The following LYSMD2 variants were observed in gnomAD, a reference collection of about 807,000 sequenced individuals.
LYSMD2 encodes lysM and putative peptidoglycan-binding domain-containing protein 2.
A neutral mutation model predicts 17.7 loss-of-function variants in LYSMD2; 6 were observed. That is an observed-to-expected ratio of 0.34 (90% CI 0.19 to 0.67). The LOEUF is 0.67. LYSMD2 is among the 30% of genes least tolerant of loss of function. The pLI is 0.69. For missense variants in LYSMD2, 237 were observed against 286.7 expected (o/e 0.83, Z 1.25); for synonymous variants, 102 against 129.8 (o/e 0.79, Z 1.45).
intron 1 of LYSMD2, among the ~76,000 whole-genome samples, chr15:51,735,934 T>C (rs1180991647): frequency 1.3e-5 from 2 of 152,230 alleles, no homozygotes; most frequent in Admixed American, 6.5e-5. Flanking sequence ...CCTCCTTCAG[T>C]AGCCAGGATG....
chr15:51,729,551 C>T (rs62015071), intron 1 of LYSMD2, among the ~76,000 whole-genome samples: 4,953 of 152,338 alleles, frequency 0.033, 108 homozygotes, highest in Non-Finnish European at 0.051. Context: ...CTCTTCCTCC[C>T]GGGTTTAAGC....
upstream of LYSMD2, among the ~76,000 whole-genome samples, chr15:51,738,313 C>G (rs1449023735): frequency 6.6e-6 from 1 of 152,152 alleles, no homozygotes; most frequent in African/African-American, 2.4e-5. Flanking sequence ...AATAACCCCC[C>G]TAGTTGTTCG....
upstream of LYSMD2, among the ~76,000 whole-genome samples, chr15:51,740,916 T>C (rs1433469519): frequency 6.6e-6 from 1 of 152,214 alleles, no homozygotes; most frequent in Non-Finnish European, 1.5e-5. Context: ...AGCAGAGATA[T>C]ACCATGTTTG....
At chr15:51,736,618 C>G (rs2055610712) in intron 1 of LYSMD2, among the ~76,000 whole-genome samples, 1 of 152,206 alleles carries the variant, frequency 6.6e-6, no homozygotes, top group Admixed American at 6.5e-5. Flanking sequence ...AAGGCCATCA[C>G]ATAGCTCACA....
chr15:51,750,949 C>G (rs1381872751), intron 1 of LYSMD2, among the ~76,000 whole-genome samples: 1 of 152,190 alleles, frequency 6.6e-6, no homozygotes, highest in East Asian at 1.9e-4. Context: ...CTCGGAAACC[C>G]CAAGGAAGGA....
intron 1 of LYSMD2, among the ~76,000 whole-genome samples, chr15:51,747,268 G>T (rs1032032704): frequency 2.0e-5 from 3 of 151,762 alleles, no homozygotes; most frequent in Non-Finnish European, 4.4e-5. Flanking sequence ...GAGGCAGGCG[G>T]ATCACTTGAG....
intron 1 of LYSMD2, among the ~76,000 whole-genome samples, chr15:51,734,900 T>C (rs2055598888): frequency 6.6e-6 from 1 of 152,152 alleles, no homozygotes. Flanking sequence ...ATTAGACCAG[T>C]GCAGTGGCTC....
At chr15:51,737,986 A>G (rs557186884), upstream of LYSMD2, 176 of 163,694 alleles carry the variant, frequency 1.1e-3, 2 homozygotes, top group African/African-American at 4.1e-3. This position sits in a 1 kb window ranked among gnomAD's most constrained non-coding sequence, Gnocchi z 4.2. Flanking sequence ...CCCCAGGTGG[A>G]CCCCTGCTCC....
At position 51,737,258 on chromosome 15, in the gene LYSMD2, GCA is replaced by G; in HGVS notation, c.273+90_273+91del. 3 of 63,044 alleles carry G rather than the reference GCA, an allele frequency of 4.8e-5. No individual in the cohort carries two copies. Among genetic ancestry groups the G allele is most frequent in the Non-Finnish European group, 9.3e-5 (3 of 32,088 alleles). 3.9% of individuals were successfully genotyped at this position (63,044 alleles called of 1,614,324 possible). A position where few individuals can be genotyped will look rare whatever the true frequency, so the allele number is the denominator to read the frequency against. On this transcript the variant is annotated intron_variant, in intron 1 of 2. Transcript: ENST00000267838. The surrounding 1 kb of genome is among the most constrained non-coding windows in gnomAD (Gnocchi z 4.2). ...CTCCCCATCCCCCAAACCCCCACCC[GCA>G]GTCCCACCCCCACCCCCACCGCACC...
intron 2 of LYSMD2, among the ~76,000 whole-genome samples, chr15:51,723,881 T>C (rs1341413002): frequency 6.6e-6 from 1 of 151,730 alleles, no homozygotes; most frequent in African/African-American, 2.4e-5. Context: ...TATGTATTTA[T>C]ATTTGCTTAT....
chr15:51,723,576 A>C lies in LYSMD2; in HGVS notation c.*31T>G, dbSNP rs1397348645. 1.9e-6 allele frequency: 3 copies of C among 1,556,074 alleles called. No homozygotes were observed. Among genetic ancestry groups the C allele is most frequent in the Admixed American group, 1.7e-5 (1 of 59,766 alleles). Reference sequence around the variant, plus strand: ...ATTCTTTATGGTCCAAACATATCTTAATTTTGGTTAGAGTTATGCCCCCAA... The same window carrying C: ...ATTCTTTATGGTCCAAACATATCTTCATTTTGGTTAGAGTTATGCCCCCAA... On this transcript the variant is annotated 3_prime_UTR_variant, in exon 3 of 3. Coordinates refer to ENST00000267838, the MANE Select transcript of LYSMD2 (RefSeq NM_153374.3).
At chr15:51,726,283 G>T (rs746949343) in intron 1 of LYSMD2, among the ~76,000 whole-genome samples, 3 of 152,188 alleles carry the variant, frequency 2.0e-5, no homozygotes, top group Non-Finnish European at 4.4e-5. Context: ...AAGTATCTCT[G>T]GTCTAGTTCA....
At chr15:51,750,744 A>G (rs2055694875) in intron 1 of LYSMD2, among the ~76,000 whole-genome samples, 1 of 152,122 alleles carries the variant, frequency 6.6e-6, no homozygotes, top group Admixed American at 6.5e-5. Flanking sequence ...TGCTTCAGAA[A>G]CTTGACTTTA....
chr15:51,744,454 T>C (rs921258382), intron 1 of LYSMD2, among the ~76,000 whole-genome samples: 3 of 152,170 alleles, frequency 2.0e-5, no homozygotes, highest in African/African-American at 7.2e-5. Flanking sequence ...TTAATTAATT[T>C]TTTTGAATGT....
upstream of LYSMD2, chr15:51,737,769 C>T (rs530778548): frequency 1.7e-4 from 99 of 577,204 alleles, no homozygotes; most frequent in East Asian, 4.1e-3. The surrounding 1 kb of genome is among the most constrained non-coding windows in gnomAD (Gnocchi z 4.2). Context: ...AGGCGGGGAG[C>T]CGCAGGCCGG....
At chr15:51,734,798 T>C (rs2055598416) in intron 1 of LYSMD2, among the ~76,000 whole-genome samples, 1 of 152,218 alleles carries the variant, frequency 6.6e-6, no homozygotes, top group African/African-American at 2.4e-5. Flanking sequence ...GCTCAACTTC[T>C]TTCTGTTCAG....
intron 2 of LYSMD2, among the ~76,000 whole-genome samples, chr15:51,724,192 T>C (rs1395747609): frequency 1.3e-5 from 2 of 151,920 alleles, no homozygotes; most frequent in African/African-American, 4.8e-5. Context: ...AATCAAATCA[T>C]AAAGAAAAAA....
upstream of LYSMD2, among the ~76,000 whole-genome samples, chr15:51,739,587 TATA>T (rs2055633123): frequency 6.6e-6 from 1 of 152,132 alleles, no homozygotes; most frequent in South Asian, 2.1e-4. Context: ...TGAGACAGCA[TATA>T]ATGTTTTCCA....
At chr15:51,745,903 A>G (rs2055665451) in intron 1 of LYSMD2, among the ~76,000 whole-genome samples, 1 of 152,228 alleles carries the variant, frequency 6.6e-6, no homozygotes, top group African/African-American at 2.4e-5. Context: ...TCACAATGAG[A>G]TACCACTGCA....
Sources: allele counts gnomAD v4.1 joint callset (sites outside exome capture counted in the v4.1 genomes callset), GRCh38; gene constraint gnomAD v4.1.1; non-coding constraint Gnocchi (gnomAD v3.1); transcripts MANE v1.5; gene names NCBI Gene and HGNC (gene_info 2026-07-23, HGNC 2026-07-21).